The following GPR39 variants were observed in gnomAD, a reference collection of about 807,000 sequenced individuals.
GPR39 encodes the protein zinc sensing receptor.
In GPR39, 23 loss-of-function variants were observed where a neutral mutation model predicts 18.4. The observed-to-expected ratio is 1.25, with a 90% CI of 0.90 to 1.77. The LOEUF (loss-of-function observed/expected upper bound fraction) is 1.77. GPR39 is among the 40% of genes most tolerant of loss of function. The pLI is 0.00. For missense variants in GPR39, 647 were observed against 602.4 expected, an observed-to-expected ratio of 1.07 and a Z score of -0.78; for synonymous variants, 280 against 257.9, an observed-to-expected ratio of 1.09 and a Z score of -0.82.
At chr2:132,540,034 A>C (rs1401581213) in intron 1 of GPR39, among the ~76,000 whole-genome samples, 1 of 152,132 alleles carries the variant, frequency 6.6e-6, no homozygotes, top group East Asian at 1.9e-4. Context: ...GCTATTAAGA[A>C]GACCAAGAAA....
At chr2:132,642,253 T>C (rs1307978010) in intron 1 of GPR39, among the ~76,000 whole-genome samples, 4 of 152,226 alleles carry the variant, frequency 2.6e-5, no homozygotes, top group African/African-American at 9.6e-5. Flanking sequence ...CTTGCTATTA[T>C]ATCTACCTAC....
chr2:132,618,121 C>T (rs1033978969), intron 1 of GPR39, among the ~76,000 whole-genome samples: 2 of 152,156 alleles, frequency 1.3e-5, no homozygotes, highest in Admixed American at 6.5e-5. Context: ...TCCTGCTTAA[C>T]AGAAGCTGGA....
intron 1 of GPR39, among the ~76,000 whole-genome samples, chr2:132,427,204 G>T (rs556453256): frequency 6.1e-5 from 8 of 130,704 alleles, no homozygotes; most frequent in African/African-American, 2.3e-4. Context: ...TTGCTCCGTC[G>T]CCCAGGCTGG....
intron 1 of GPR39, among the ~76,000 whole-genome samples, chr2:132,494,975 G>A (rs1681610975): frequency 6.6e-6 from 1 of 152,136 alleles, no homozygotes; most frequent in Non-Finnish European, 1.5e-5. Flanking sequence ...ACACGTAAAG[G>A]GAGCACCCTG....
chr2:132,507,464 C>T lies in GPR39; in HGVS notation c.856+89566C>T, dbSNP rs1379292826. Reference sequence around the variant, plus strand: ...CTGAGCATTTCACTTGTGTTTTCTTCCTTGTTTTAAGTATACTTACTAAAG... The same window carrying T: ...CTGAGCATTTCACTTGTGTTTTCTTTCTTGTTTTAAGTATACTTACTAAAG... On this transcript the variant is annotated intron_variant, in intron 1 of 1. Coordinates refer to ENST00000329321, the MANE Select transcript of GPR39 (RefSeq NM_001508.3). Among the ~76,000 whole-genome samples, 6 of 152,108 alleles carry T rather than the reference C, an allele frequency of 3.9e-5. No homozygotes were observed. The South Asian group carries it at 8.3e-4, about 21-fold the overall frequency.
intron 1 of GPR39, among the ~76,000 whole-genome samples, chr2:132,482,589 G>C (rs1312085930): frequency 6.6e-6 from 1 of 152,170 alleles, no homozygotes; most frequent in Admixed American, 6.5e-5. Context: ...AGGTTGGGAT[G>C]TGGATGTCCT....
intron 1 of GPR39, among the ~76,000 whole-genome samples, chr2:132,581,152 A>T (rs1200237031): frequency 2.6e-5 from 4 of 151,642 alleles, no homozygotes; most frequent in Non-Finnish European, 4.4e-5. Flanking sequence ...AACTCACTGA[A>T]TATCTTAGTT....
intron 1 of GPR39, among the ~76,000 whole-genome samples, chr2:132,460,245 T>C (rs1315051104): frequency 6.6e-6 from 1 of 152,198 alleles, no homozygotes; most frequent in Non-Finnish European, 1.5e-5. Flanking sequence ...AGGGGCACAG[T>C]AACTCATTTA....
At chr2:132,633,204 G>A (rs561609164) in intron 1 of GPR39, among the ~76,000 whole-genome samples, 2 of 152,304 alleles carry the variant, frequency 1.3e-5, no homozygotes, top group South Asian at 4.1e-4. Context: ...GGGAGTTGGG[G>A]AAAGGCTCAG....
chr2:132,494,611 T>C (rs937166464), intron 1 of GPR39, among the ~76,000 whole-genome samples: 2 of 152,182 alleles, frequency 1.3e-5, no homozygotes, highest in Non-Finnish European at 2.9e-5. Flanking sequence ...TATGTTTCCC[T>C]CTGATTATGC....
intron 1 of GPR39, among the ~76,000 whole-genome samples, chr2:132,429,635 T>G (rs745776989): frequency 1.3e-5 from 2 of 152,060 alleles, no homozygotes; most frequent in South Asian, 4.2e-4. Flanking sequence ...GTGTGACAAA[T>G]GGGGTTAAAA....
intron 1 of GPR39, among the ~76,000 whole-genome samples, chr2:132,600,336 A>G (rs941516095): frequency 6.6e-6 from 1 of 152,234 alleles, no homozygotes; most frequent in Non-Finnish European, 1.5e-5. Context: ...ATGCACCTCA[A>G]TGTACTAGAA....
At chr2:132,430,852 G>A (rs1472167555) in intron 1 of GPR39, among the ~76,000 whole-genome samples, 5 of 152,202 alleles carry the variant, frequency 3.3e-5, no homozygotes, top group Non-Finnish European at 5.9e-5. Context: ...GCTTAGTGAT[G>A]TGCTCTGACA....
chr2:132,448,525 C>T (rs1165100883), intron 1 of GPR39, among the ~76,000 whole-genome samples: 1 of 152,196 alleles, frequency 6.6e-6, no homozygotes, highest in South Asian at 2.1e-4. Flanking sequence ...GTCAAACACA[C>T]GTCAGCGGCT....
chr2:132,524,459 T>G (rs1679475528), intron 1 of GPR39, among the ~76,000 whole-genome samples: 1 of 152,202 alleles, frequency 6.6e-6, no homozygotes, highest in Non-Finnish European at 1.5e-5. Flanking sequence ...CTGTCTCTGA[T>G]GTCAAGATTG....
At chr2:132,528,658 T>C (rs1002972370) in intron 1 of GPR39, among the ~76,000 whole-genome samples, 6 of 152,174 alleles carry the variant, frequency 3.9e-5, no homozygotes, top group Admixed American at 1.3e-4. Flanking sequence ...ATATTCCTTA[T>C]AGGCTGTATT....
intron 1 of GPR39, among the ~76,000 whole-genome samples, chr2:132,568,163 A>C (rs1230849868): frequency 6.6e-6 from 1 of 152,106 alleles, no homozygotes; most frequent in Non-Finnish European, 1.5e-5. Context: ...TCCCCTTGCC[A>C]GTGGTTAAGA....
intron 1 of GPR39, among the ~76,000 whole-genome samples, chr2:132,451,745 G>A (rs1255038549): frequency 6.6e-6 from 1 of 151,942 alleles, no homozygotes; most frequent in African/African-American, 2.4e-5. Context: ...TGACTTCTTA[G>A]CTATAGAAGA....
intron 1 of GPR39, among the ~76,000 whole-genome samples, chr2:132,446,344 T>C (rs1370750320): frequency 6.6e-6 from 1 of 152,134 alleles, no homozygotes; most frequent in African/African-American, 2.4e-5. Context: ...TCTGGTGTAA[T>C]GAGAAAGACA....
Sources: gnomAD v4.1 joint callset for allele counts (sites outside exome capture counted in the v4.1 genomes callset) on GRCh38, gnomAD v4.1.1 for gene constraint, MANE v1.5 for transcripts, NCBI Gene and HGNC (gene_info 2026-07-23, HGNC 2026-07-21) for gene names.